DAB1: variants seen among roughly 807,000 people sequenced by gnomAD.
The protein encoded by DAB1 is DAB adaptor protein 1, also known as disabled homolog 1.
DAB1 carries 15 observed loss-of-function variants against 64.6 expected under a neutral mutation model. That is an observed-to-expected ratio of 0.23 (90% CI 0.16 to 0.36). DAB1 has a LOEUF of 0.36. DAB1 is among the 10% of genes least tolerant of loss of function. The probability of loss-of-function intolerance (pLI) is 1.00; values close to 1 mark genes in which losing one functional copy is unlikely to be tolerated. For synonymous variants in DAB1, 235 were observed against 251.9 expected, an observed-to-expected ratio of 0.93 and a Z score of 0.64; for missense variants, 596 against 706.7, an observed-to-expected ratio of 0.84 and a Z score of 1.78.
chr1:57,154,079 A>G lies in DAB1; in HGVS notation c.68-8650T>C, dbSNP rs115677058. Among the ~76,000 whole-genome samples, 340 of 152,290 alleles carry G rather than the reference A, an allele frequency of 2.2e-3. 5 individuals are homozygous for G. The highest frequency in any genetic ancestry group is 7.8e-3 in the African/African-American group (326 of 41,552). On this transcript the variant is annotated intron_variant, in intron 2 of 14. Coordinates refer to ENST00000371236, the MANE Select transcript of DAB1 (RefSeq NM_001365792.1). Reference sequence around the variant, plus strand: ...ACAATCCAATTATGCTCTTTCAGTTATATTAAAATGTATGATTACATTATT... The same window carrying G: ...ACAATCCAATTATGCTCTTTCAGTTGTATTAAAATGTATGATTACATTATT...
intron 3 of DAB1, among the ~76,000 whole-genome samples, chr1:58,439,434 A>G (rs1644983460): frequency 1.3e-5 from 2 of 152,174 alleles, no homozygotes; most frequent in African/African-American, 4.8e-5. Context: ...TAGAAGGGGT[A>G]TATAATCAAA....
chr1:58,262,296 G>T (rs1216213354), intron 4 of DAB1, among the ~76,000 whole-genome samples: 1 of 152,182 alleles, frequency 6.6e-6, no homozygotes, highest in Non-Finnish European at 1.5e-5. Flanking sequence ...TCACAGTTGA[G>T]GGAGGGGCCA....
intron 4 of DAB1, among the ~76,000 whole-genome samples, chr1:57,111,658 C>T (rs886780997): frequency 6.6e-6 from 1 of 152,150 alleles, no homozygotes; most frequent in Middle Eastern, 3.2e-3. Flanking sequence ...CTCCCTATCA[C>T]ATTACCCCGA....
intron 4 of DAB1, among the ~76,000 whole-genome samples, chr1:57,096,666 C>A (rs558597131): frequency 6.6e-6 from 1 of 152,252 alleles, no homozygotes; most frequent in African/African-American, 2.4e-5. Context: ...CACAGTCAAT[C>A]CCTATCATGT....
intron 5 of DAB1, among the ~76,000 whole-genome samples, chr1:57,897,315 A>C (rs1202293888): frequency 6.6e-6 from 1 of 152,204 alleles, no homozygotes. Context: ...ATTTCTGATG[A>C]ACAGTTGTGG....
intron 6 of DAB1, among the ~76,000 whole-genome samples, chr1:57,803,106 A>G (rs895432732): frequency 6.6e-6 from 1 of 152,202 alleles, no homozygotes; most frequent in Non-Finnish European, 1.5e-5. Flanking sequence ...CCTTCCTTGA[A>G]AGAATGTTTA....
At chr1:57,569,853 A>G (rs1645172523) in intron 7 of DAB1, among the ~76,000 whole-genome samples, 1 of 152,156 alleles carries the variant, frequency 6.6e-6, no homozygotes, top group Non-Finnish European at 1.5e-5. Context: ...ACTTTATGTA[A>G]TAGTATTTGG....
intron 7 of DAB1, among the ~76,000 whole-genome samples, chr1:57,526,871 T>G (rs1394567528): frequency 6.6e-6 from 1 of 152,194 alleles, no homozygotes; most frequent in Non-Finnish European, 1.5e-5. Flanking sequence ...ATTATCTTTT[T>G]AGGGAAGTTA....
rs12561986 is a variant in DAB1 at position 57,287,153 on chromosome 1, A to G, written c.67+3811T>C. 8.2e-3 allele frequency among the ~76,000 whole-genome samples: 1,243 copies of G among 152,204 alleles called. 32 individuals carry two copies. The highest frequency in any genetic ancestry group is 0.08 in the East Asian group (413 of 5,158). Reference sequence around the variant, plus strand: ...GTGGTGTGATTTTGGCACACTGCAAACTCCAATTCATGGGCTCAAGCCATC... The same window carrying G: ...GTGGTGTGATTTTGGCACACTGCAAGCTCCAATTCATGGGCTCAAGCCATC... On this transcript the variant is annotated intron_variant, in intron 2 of 14. Coordinates refer to ENST00000371236, the MANE Select transcript of DAB1 (RefSeq NM_001365792.1).
chr1:58,425,075 G>C (rs1557756258), intron 3 of DAB1, among the ~76,000 whole-genome samples: 1 of 152,172 alleles, frequency 6.6e-6, no homozygotes, highest in Non-Finnish European at 1.5e-5. Context: ...TTCAGATATT[G>C]TTTGAAATAA....
chr1:58,247,427 C>T (rs1660596290), intron 4 of DAB1, among the ~76,000 whole-genome samples: 1 of 152,160 alleles, frequency 6.6e-6, no homozygotes, highest in Non-Finnish European at 1.5e-5. Flanking sequence ...CAAGAGCACA[C>T]TCTCCAGGTT....
chr1:58,147,098 G>A (rs1213529291), intron 5 of DAB1, among the ~76,000 whole-genome samples: 1 of 151,858 alleles, frequency 6.6e-6, no homozygotes, highest in African/African-American at 2.4e-5. Context: ...CTGGAGGTCA[G>A]GAGTTTGAGA....
intron 5 of DAB1, among the ~76,000 whole-genome samples, chr1:58,111,043 G>C (rs1412405869): frequency 6.6e-6 from 1 of 152,222 alleles, no homozygotes; most frequent in African/African-American, 2.4e-5. Context: ...GGAGGGTGGT[G>C]TGTGCAGCAG....
rs199892836 is a variant in DAB1, at chr1:58,313,854, T to A, written n.309+29498A>T. Among the ~76,000 whole-genome samples the A allele has an allele frequency of 5.7e-3, 677 of 117,834 alleles. 2 individuals are homozygous for A. Among genetic ancestry groups the A allele is most frequent in the African/African-American group, 0.017 (620 of 35,650 alleles). 77.3% of individuals were successfully genotyped at this position (117,834 alleles called of 152,430 possible). A position where few individuals can be genotyped will look rare whatever the true frequency, so the allele number is the denominator to read the frequency against. ...GTGTGTGTGTGTGTGTGTGTGTGTG[T>A]GTGAGAGAGAGAGAGAGAGAGAGAG... On this transcript the variant is annotated intron_variant and non_coding_transcript_variant, in intron 4 of 20. Coordinates refer to the DAB1 transcript ENST00000485760.
At chr1:57,396,322 C>T (rs1209556229) in intron 1 of DAB1, among the ~76,000 whole-genome samples, 1 of 152,170 alleles carries the variant, frequency 6.6e-6, no homozygotes, top group East Asian at 1.9e-4. Flanking sequence ...TCATGAAGCA[C>T]GTTTCAGTGT....
chr1:57,292,565 T>C (rs611606), intron 1 of DAB1, among the ~76,000 whole-genome samples: 61,576 of 151,984 alleles, frequency 0.41, 13,055 homozygotes, highest in Admixed American at 0.58. Context: ...CCCTCGTCTC[T>C]AAGACAACGT....
rs555962770 is a variant in DAB1 at position 57,910,738 on chromosome 1, C to T, written n.388-26576G>A. ...TATGTTCAACTAAGCCACTTCCCAC[C>T]TGCCTCTAAGAATCTCTCAAGAATG... On this transcript the variant is annotated intron_variant and non_coding_transcript_variant, in intron 5 of 20. Transcript: ENST00000485760. 3.9e-5 allele frequency among the ~76,000 whole-genome samples: 6 copies of T among 152,356 alleles called. No individual in the cohort carries two copies. In the East Asian group the frequency reaches 9.7e-4, roughly 25 times the overall value.
chr1:57,749,135 C>G (rs1466235824), intron 6 of DAB1, among the ~76,000 whole-genome samples: 1 of 152,096 alleles, frequency 6.6e-6, no homozygotes. Context: ...CATGGTCACC[C>G]TACGGGATGG....
chr1:58,351,970 T>A (rs970328735), intron 3 of DAB1, among the ~76,000 whole-genome samples: 1 of 150,670 alleles, frequency 6.6e-6, no homozygotes, highest in Non-Finnish European at 1.5e-5. Flanking sequence ...CAGAGTGAAA[T>A]GACTGAATTG....
Sources: gnomAD v4.1 joint callset for allele counts (sites outside exome capture counted in the v4.1 genomes callset) on GRCh38, gnomAD v4.1.1 for gene constraint, MANE v1.5 for transcripts, NCBI Gene and HGNC (gene_info 2026-07-23, HGNC 2026-07-21) for gene names.